The following ZNF385D variants were observed in gnomAD, a reference collection of about 807,000 sequenced individuals.
The protein encoded by ZNF385D is zinc finger protein 385D, also known as zinc finger protein 659.
Under a neutral mutation model 35.8 loss-of-function variants are expected in ZNF385D, and 15 were observed. That is an observed-to-expected ratio of 0.42 (90% CI 0.28 to 0.64). The LOEUF (loss-of-function observed/expected upper bound fraction) is 0.64, where lower values mean the gene tolerates loss of function less well. ZNF385D is among the 30% of genes least tolerant of loss of function. The pLI is 0.23. For missense variants in ZNF385D, 474 were observed against 494.6 expected, an observed-to-expected ratio of 0.96 and a Z score of 0.39; for synonymous variants, 212 against 186.8, an observed-to-expected ratio of 1.13 and a Z score of -1.10.
intron 3 of ZNF385D, among the ~76,000 whole-genome samples, chr3:21,911,593 GAATA>G (rs1298743859): frequency 6.6e-6 from 1 of 151,944 alleles, no homozygotes; most frequent in African/African-American, 2.4e-5. Flanking sequence ...TCACTTGACT[GAATA>G]AATTGGAAAT....
chr3:21,996,174 C>T (rs1221884406), intron 3 of ZNF385D, among the ~76,000 whole-genome samples: 1 of 152,142 alleles, frequency 6.6e-6, no homozygotes, highest in East Asian at 1.9e-4. Flanking sequence ...ACTACCTCTC[C>T]AGAATAATGC....
At chr3:21,576,222 G>A (rs1559423478) in intron 2 of ZNF385D, among the ~76,000 whole-genome samples, 2 of 152,210 alleles carry the variant, frequency 1.3e-5, no homozygotes, top group Non-Finnish European at 2.9e-5. Context: ...AACACCCACA[G>A]TGGTCCCTTG....
intron 3 of ZNF385D, among the ~76,000 whole-genome samples, chr3:21,526,146 A>G (rs781511534): frequency 1.3e-5 from 2 of 152,192 alleles, no homozygotes; most frequent in Non-Finnish European, 2.9e-5. Flanking sequence ...GAATGATTCA[A>G]TGATTCAAGC....
intron 3 of ZNF385D, among the ~76,000 whole-genome samples, chr3:22,138,566 A>G (rs534526850): frequency 3.6e-4 from 54 of 151,482 alleles, no homozygotes; most frequent in African/African-American, 1.2e-3. Flanking sequence ...AGAAATGGGG[A>G]AAGGATTCCT....
intron 4 of ZNF385D, among the ~76,000 whole-genome samples, chr3:21,476,501 A>C (rs1377243654): frequency 6.6e-6 from 1 of 152,010 alleles, no homozygotes; most frequent in African/African-American, 2.4e-5. Context: ...ATAGTAGGAA[A>C]TGCTACATAT....
intron 1 of ZNF385D, among the ~76,000 whole-genome samples, chr3:21,730,608 C>G (rs949227777): frequency 6.6e-6 from 1 of 152,198 alleles, no homozygotes; most frequent in African/African-American, 2.4e-5. Context: ...AAACCCCTGA[C>G]CCAGGGGCAC....
At chr3:21,556,743 T>C (rs903976070) in intron 3 of ZNF385D, among the ~76,000 whole-genome samples, 1 of 152,214 alleles carries the variant, frequency 6.6e-6, no homozygotes, top group South Asian at 2.1e-4. Context: ...GGGAATAGCA[T>C]TGAATCTATC....
At chr3:22,077,553 G>A (rs1246677837) in intron 3 of ZNF385D, among the ~76,000 whole-genome samples, 1 of 151,940 alleles carries the variant, frequency 6.6e-6, no homozygotes, top group Non-Finnish European at 1.5e-5. Flanking sequence ...CCCACTAAGG[G>A]TGAGGTTCTG....
chr3:22,272,307 T>C (rs1701218424), intron 2 of ZNF385D, among the ~76,000 whole-genome samples: 1 of 151,982 alleles, frequency 6.6e-6, no homozygotes. Flanking sequence ...ATCTATTGTC[T>C]TTCCCGTTGA....
chr3:22,205,104 T>A (rs1697063090), intron 2 of ZNF385D, among the ~76,000 whole-genome samples: 1 of 151,584 alleles, frequency 6.6e-6, no homozygotes, highest in African/African-American at 2.4e-5. Flanking sequence ...AAGGAAAAGA[T>A]TCTAAAAGTA....
In ZNF385D at chr3:21,736,546, T is replaced by C. The variant is rs575242973; in HGVS notation, c.22+14349A>G. ...TCTTTCAAGGATCAACCTTCTGGTT[T>C]TGAAGCAGAAGGGTAAAATTTCACT... is the stretch of plus-strand genomic sequence containing the variant. On this transcript the variant is annotated intron_variant, in intron 1 of 7. Coordinates refer to ENST00000281523, the MANE Select transcript of ZNF385D (RefSeq NM_024697.3). Among the ~76,000 whole-genome samples the C allele has an allele frequency of 4.4e-4, 67 of 152,336 alleles. 2 individuals are homozygous for C. In the South Asian group the frequency reaches 0.014, roughly 31 times the overall value.
chr3:22,280,145 T>C (rs1701661444), intron 2 of ZNF385D, among the ~76,000 whole-genome samples: 2 of 152,084 alleles, frequency 1.3e-5, no homozygotes, highest in Non-Finnish European at 2.9e-5. Flanking sequence ...TTCTTGCTGA[T>C]TTGAGTTCCT....
rs1218245604 is a variant in ZNF385D at position 21,415,588 on chromosome 3, A to G, written c.*5626T>C. The G allele has an allele frequency of 6.6e-6, 1 of 152,262 alleles. No homozygotes were observed. Among genetic ancestry groups the G allele is most frequent in the East Asian group, 1.9e-4 (1 of 5,184 alleles). 9.4% of individuals were successfully genotyped at this position (152,262 alleles called of 1,614,324 possible). ...AGGTACTAAGACTCATATTTTTACA[A>G]TTCTGTATGTGTGTGCGTATATAAG... On this transcript the variant is annotated 3_prime_UTR_variant, in exon 8 of 8. Coordinates refer to ENST00000281523, the MANE Select transcript of ZNF385D (RefSeq NM_024697.3).
At chr3:21,509,289 C>T (rs1707022392) in intron 4 of ZNF385D, among the ~76,000 whole-genome samples, 1 of 152,132 alleles carries the variant, frequency 6.6e-6, no homozygotes, top group African/African-American at 2.4e-5. Flanking sequence ...TTCTCCCTAC[C>T]TACTGCCTTC....
At chr3:22,199,072 C>G (rs1696611368) in intron 2 of ZNF385D, among the ~76,000 whole-genome samples, 1 of 152,042 alleles carries the variant, frequency 6.6e-6, no homozygotes, top group Admixed American at 6.6e-5. Flanking sequence ...TACTTCTGCT[C>G]TTTTGTAACT....
At chr3:22,218,796 AT>A (rs1028425809) in intron 2 of ZNF385D, among the ~76,000 whole-genome samples, 1 of 152,014 alleles carries the variant, frequency 6.6e-6, no homozygotes, top group African/African-American at 2.4e-5. Context: ...CTTCAAGAAG[AT>A]TTTTTAATGT....
At chr3:21,704,000 G>GC (rs1448028115) in intron 1 of ZNF385D, among the ~76,000 whole-genome samples, 1 of 152,152 alleles carries the variant, frequency 6.6e-6, no homozygotes, top group African/African-American at 2.4e-5. Flanking sequence ...GTAGGGCCCT[G>GC]CCTGTTTATG....
chr3:21,525,784 T>C (rs1020034402), intron 3 of ZNF385D, among the ~76,000 whole-genome samples: 2 of 151,998 alleles, frequency 1.3e-5, no homozygotes, highest in Admixed American at 1.3e-4. Flanking sequence ...AATCTCCAAA[T>C]TGTTTGAATT....
chr3:21,800,480 T>A (rs1358120105), intron 3 of ZNF385D, among the ~76,000 whole-genome samples: 1 of 152,138 alleles, frequency 6.6e-6, no homozygotes, highest in African/African-American at 2.4e-5. Context: ...AGGTTAATTT[T>A]TTTTCCTAAA....
Sources: allele counts gnomAD v4.1 joint callset (sites outside exome capture counted in the v4.1 genomes callset), GRCh38; gene constraint gnomAD v4.1.1; transcripts MANE v1.5; gene names NCBI Gene and HGNC (gene_info 2026-07-23, HGNC 2026-07-21).